The following KLHL25 variants were observed in gnomAD, a reference collection of about 807,000 sequenced individuals.
The protein encoded by KLHL25 is kelch like family member 25, also known as kelch-like protein 25.
Under a neutral mutation model 30.0 loss-of-function variants are expected in KLHL25, and 41 were observed. The observed-to-expected ratio is 1.37, with a 90% confidence interval of 1.07 to 1.78. The LOEUF (loss-of-function observed/expected upper bound fraction) is 1.78, where lower values mean the gene tolerates loss of function less well. Among genes scored for constraint, KLHL25 ranks in the 40% most tolerant of loss-of-function variants. KLHL25 has a pLI of 0.00. For missense variants in KLHL25, 971 were observed against 824.5 expected (o/e 1.18, Z -2.18); for synonymous variants, 399 against 355.3 (o/e 1.12, Z -1.38).
chr15:85,765,822 CTG>C (rs1205671224), intron 2 of KLHL25, among the ~76,000 whole-genome samples: 1 of 123,746 alleles, frequency 8.1e-6, no homozygotes, highest in African/African-American at 2.9e-5. Flanking sequence ...CAGAGCGAGA[CTG>C]TCTCAAAAAA....
intron 1 of KLHL25, among the ~76,000 whole-genome samples, chr15:85,774,375 C>G (rs1158632886): frequency 1.3e-5 from 2 of 152,214 alleles, no homozygotes; most frequent in Non-Finnish European, 2.9e-5. Context: ...CCAGGCAATC[C>G]TCACCTACAG....
intron 1 of KLHL25, among the ~76,000 whole-genome samples, chr15:85,770,746 A>G (rs2089665810): frequency 6.6e-6 from 1 of 152,198 alleles, no homozygotes; most frequent in African/African-American, 2.4e-5. Context: ...AGCTGACGCC[A>G]GGATCCTGGG....
intron 1 of KLHL25, among the ~76,000 whole-genome samples, chr15:85,774,033 C>T (rs531973780): frequency 2.6e-5 from 4 of 152,178 alleles, no homozygotes; most frequent in African/African-American, 9.6e-5. Context: ...TGTTCAGTAC[C>T]AGTGACATAC....
intron 1 of KLHL25, among the ~76,000 whole-genome samples, chr15:85,782,268 C>T (rs2089748697): frequency 6.6e-6 from 1 of 152,148 alleles, no homozygotes; most frequent in Non-Finnish European, 1.5e-5. Flanking sequence ...CCAAGTTCCA[C>T]TGCATCATCC....
chr15:85,785,463 A>G (rs191548179), intron 1 of KLHL25, among the ~76,000 whole-genome samples: 40 of 152,316 alleles, frequency 2.6e-4, no homozygotes, highest in Middle Eastern at 3.4e-3. Flanking sequence ...ATTTCATTTA[A>G]CAAAGTTTCA....
chr15:85,776,546 C>T (rs541932763), intron 1 of KLHL25, among the ~76,000 whole-genome samples: 22 of 152,196 alleles, frequency 1.4e-4, no homozygotes, highest in African/African-American at 4.8e-4. Flanking sequence ...TTGTATAGAT[C>T]TTGTTATTTA....
In KLHL25 at chr15:85,769,640, G is replaced by T. The variant is rs776867110; in HGVS notation, c.171C>A (p.Phe57Leu). 8 of 1,613,460 alleles carry T rather than the reference G, an allele frequency of 5.0e-6. No homozygotes were observed. The South Asian group carries it at 6.6e-5, about 13-fold the overall frequency. ...DVTLWAGDRA[F>L]PCHRAVLAAS... ...CGGCCAGCACGGCACGGTGACAGGG[G>T]AAGGCACGGTCGCCCGCCCAGAGTG... The change falls in exon 2 of 3, where the codon TTC becomes TTA. Residue 57 changes from phenylalanine (F) to leucine (L), a missense_variant. Physicochemically the swap from Phe to Leu is conservative, Grantham distance 22. Coordinates refer to ENST00000337975, the MANE Select transcript of KLHL25 (RefSeq NM_022480.4).
intron 1 of KLHL25, among the ~76,000 whole-genome samples, chr15:85,792,609 C>T (rs969847977): frequency 5.9e-5 from 9 of 152,166 alleles, no homozygotes; most frequent in Admixed American, 4.6e-4. Context: ...GCTGACTGTG[C>T]GGCCAGACAC....
At chr15:85,764,950 C>G (rs1241407479) in intron 2 of KLHL25, among the ~76,000 whole-genome samples, 1 of 152,264 alleles carries the variant, frequency 6.6e-6, no homozygotes, top group African/African-American at 2.4e-5. Flanking sequence ...CATGCATGCT[C>G]TCCTTCCAGG....
rs144807079 is a variant in KLHL25, at chr15:85,785,269, A to G, written c.-11+9497T>C. Among the ~76,000 whole-genome samples, 34 of 151,870 alleles carry G rather than the reference A, an allele frequency of 2.2e-4. No homozygotes were observed. In the East Asian group the frequency reaches 5.6e-3, roughly 25 times the overall value. ...CCACGACGTCCGGCTAATGTTTTGTATTTTTAGTAGAGACGAGGTTTCACA... is the reference window on the plus strand; with the variant it reads ...CCACGACGTCCGGCTAATGTTTTGTGTTTTTAGTAGAGACGAGGTTTCACA... On this transcript the variant is annotated intron_variant, in intron 1 of 2. Coordinates refer to ENST00000337975, the MANE Select transcript of KLHL25 (RefSeq NM_022480.4).
Position 85,768,594 on chromosome 15 carries a change from G to A in KLHL25, c.1217C>T (p.Ser406Leu), listed in dbSNP as rs2089641791. 1.2e-6 allele frequency: 2 copies of A among 1,610,826 alleles called. No individual in the cohort carries two copies. The highest frequency in any genetic ancestry group is 1.7e-6 in the Non-Finnish European group (2 of 1,177,640). Residue 406 changes from serine (S) to leucine (L), a missense_variant, in exon 2 of 3, where the codon TCG becomes TTG. By Grantham distance (145) the Ser-to-Leu change is moderately radical. Transcript: ENST00000337975. ...HTSLAGVFPA[S>L]PSVSLKQVEK... is the part of the protein sequence containing the mutation. Reference sequence around the variant, plus strand: ...CACTTGTTTCAGGGAGACAGAAGGCGAGGCCGGGAAGACCCCTGCCAGGGA... The same window carrying A: ...CACTTGTTTCAGGGAGACAGAAGGCAAGGCCGGGAAGACCCCTGCCAGGGA...
chr15:85,785,183 T>A (rs1388223201), intron 1 of KLHL25, among the ~76,000 whole-genome samples: 1 of 145,392 alleles, frequency 6.9e-6, no homozygotes, highest in Non-Finnish European at 1.5e-5. Context: ...CAGCTCCGCC[T>A]CCCGGGTTCA....
intron 1 of KLHL25, among the ~76,000 whole-genome samples, chr15:85,786,059 G>A (rs2089779237): frequency 6.7e-6 from 1 of 149,424 alleles, no homozygotes. Flanking sequence ...AGAATCAGGA[G>A]GTGTCTAATA....
At chr15:85,788,439 G>T (rs1325491602) in intron 1 of KLHL25, among the ~76,000 whole-genome samples, 1 of 152,188 alleles carries the variant, frequency 6.6e-6, no homozygotes, top group African/African-American at 2.4e-5. Context: ...TCCCTCAGCT[G>T]AATGTGGGAT....
At chr15:85,765,831 AAAAAAAAAAAAG>A (rs1412127037) in intron 2 of KLHL25, among the ~76,000 whole-genome samples, 2 of 150,530 alleles carry the variant, frequency 1.3e-5, no homozygotes, top group Admixed American at 6.6e-5. Context: ...ACTGTCTCAA[AAAAAAAAAAAAG>A]AAAAAGAAAA....
In KLHL25 at chr15:85,769,375, G is replaced by A. The variant is rs201931383; in HGVS notation, c.436C>T (p.Pro146Ser). The change falls in exon 2 of 3, where the codon CCC becomes TCC. Residue 146 changes from proline (P) to serine (S), a missense_variant. Pro to Ser is a moderately conservative substitution (Grantham distance 74). Coordinates refer to ENST00000337975, the MANE Select transcript of KLHL25 (RefSeq NM_022480.4). ...AAEFLEKNLF[P>S]SNCLGMMLLS... ...AGCATCATGCCCAGGCAGTTGGAGGGGAAAAGGTTCTTCTCCAGGAACTCG... is the reference window on the plus strand; with the variant it reads ...AGCATCATGCCCAGGCAGTTGGAGGAGAAAAGGTTCTTCTCCAGGAACTCG... 1.2e-4 allele frequency: 197 copies of A among 1,614,046 alleles called. No homozygotes were observed. The highest frequency in any genetic ancestry group is 1.6e-4 in the Non-Finnish European group (189 of 1,180,036).
chr15:85,765,391 C>G (rs539199057), intron 2 of KLHL25, among the ~76,000 whole-genome samples: 1 of 151,826 alleles, frequency 6.6e-6, no homozygotes, highest in Non-Finnish European at 1.5e-5. Context: ...TTTGGAAGGC[C>G]GAGGCGGGTG....
chr15:85,782,751 G>C (rs1012746651), intron 1 of KLHL25, among the ~76,000 whole-genome samples: 1 of 152,124 alleles, frequency 6.6e-6, no homozygotes, highest in Non-Finnish European at 1.5e-5. Context: ...ACATAATTTT[G>C]TCTTGTCTCC....
intron 1 of KLHL25, among the ~76,000 whole-genome samples, chr15:85,781,800 C>T (rs1254844068): frequency 1.3e-5 from 2 of 152,118 alleles, no homozygotes; most frequent in Non-Finnish European, 2.9e-5. Context: ...TTTTTCTTAT[C>T]TTCCACACTA....
Sources: allele counts gnomAD v4.1 joint callset (sites outside exome capture counted in the v4.1 genomes callset), GRCh38; gene constraint gnomAD v4.1.1; transcripts MANE v1.5; gene names NCBI Gene and HGNC (gene_info 2026-07-23, HGNC 2026-07-21).